The following C8orf34 variants were observed in gnomAD, a reference collection of about 807,000 sequenced individuals.
The protein encoded by C8orf34 is uncharacterized protein C8orf34.
C8orf34 carries 65 observed loss-of-function variants against 68.3 expected under a neutral mutation model. The ratio of observed to expected loss-of-function variants is 0.95; its 90% CI spans 0.78 to 1.17. The LOEUF (loss-of-function observed/expected upper bound fraction) is 1.17. C8orf34 is among the 50% of genes most tolerant of loss of function. The pLI is 0.00. For missense variants in C8orf34, 664 were observed against 655.4 expected (o/e 1.01, Z -0.14); for synonymous variants, 244 against 241.2 (o/e 1.01, Z -0.11).
At chr8:68,610,533 A>G (rs1817985189) in intron 7 of C8orf34, among the ~76,000 whole-genome samples, 1 of 152,206 alleles carries the variant, frequency 6.6e-6, no homozygotes, top group South Asian at 2.1e-4. Flanking sequence ...AACTTAGATA[A>G]TTAAAGACAG....
chr8:68,516,978 C>G (rs184908150), intron 5 of C8orf34, among the ~76,000 whole-genome samples: 4 of 151,960 alleles, frequency 2.6e-5, no homozygotes, highest in Non-Finnish European at 5.9e-5. Flanking sequence ...TGCTTAAGAA[C>G]GTCAAAACCT....
chr8:68,370,336 T>C (rs1163175869), intron 1 of C8orf34, among the ~76,000 whole-genome samples: 3 of 152,160 alleles, frequency 2.0e-5, no homozygotes, highest in African/African-American at 7.2e-5. Flanking sequence ...AGTAAATATG[T>C]CCATTTTGCC....
intron 10 of C8orf34, among the ~76,000 whole-genome samples, chr8:68,769,418 G>A (rs980750395): frequency 2.6e-4 from 39 of 150,522 alleles, no homozygotes; most frequent in African/African-American, 7.6e-4. Flanking sequence ...TTTTTAAAAG[G>A]CCATTTTGAA....
chr8:68,790,795 A>G (rs1044783736), intron 12 of C8orf34: 3 of 691,220 alleles, frequency 4.3e-6, no homozygotes, highest in Non-Finnish European at 7.9e-6. Flanking sequence ...TAACACTCAT[A>G]TTCTGGGACT....
At chr8:68,590,183 G>A (rs939057821) in intron 7 of C8orf34, among the ~76,000 whole-genome samples, 2 of 136,302 alleles carry the variant, frequency 1.5e-5, no homozygotes, top group African/African-American at 5.4e-5. Flanking sequence ...AAGACAGGAA[G>A]AAAGGAAGAG....
At position 68,646,091 on chromosome 8, in the gene C8orf34, A is replaced by G. The variant is rs545187855; in HGVS notation, c.1241+5580A>G. ...TGTCACTTAAAATTTTAGTTAATAC[A>G]TCTGTTATGCTTTTCTCTTGTTACC... is the stretch of plus-strand genomic sequence containing the variant. On this transcript the variant is annotated intron_variant, in intron 8 of 13. Transcript: ENST00000518698. 4.6e-5 allele frequency among the ~76,000 whole-genome samples: 7 copies of G among 152,160 alleles called. No individual in the cohort carries two copies. In the South Asian group the frequency reaches 1.5e-3, roughly 32 times the overall value.
At chr8:68,715,617 G>A (rs1231526321) in intron 9 of C8orf34, among the ~76,000 whole-genome samples, 1 of 151,320 alleles carries the variant, frequency 6.6e-6, no homozygotes, top group Non-Finnish European at 1.5e-5. Context: ...TGCAACAATG[G>A]CCTACTATGG....
At chr8:68,496,334 A>G (rs1813522046) in intron 5 of C8orf34, among the ~76,000 whole-genome samples, 1 of 152,316 alleles carries the variant, frequency 6.6e-6, no homozygotes, top group East Asian at 1.9e-4. Context: ...GAAAGCTCTC[A>G]TGATCTCCAT....
At chr8:68,762,292 T>C (rs1011802534) in intron 10 of C8orf34, among the ~76,000 whole-genome samples, 2 of 152,218 alleles carry the variant, frequency 1.3e-5, no homozygotes, top group African/African-American at 2.4e-5. Flanking sequence ...AACTTGACTT[T>C]ATTAAACTGA....
intron 1 of C8orf34, among the ~76,000 whole-genome samples, chr8:68,369,154 A>G (rs814463): frequency 0.66 from 100,011 of 152,116 alleles, 34,035 homozygotes; most frequent in African/African-American, 0.84. Flanking sequence ...CACATTTTAA[A>G]CAGTGCTTCC....
chr8:68,761,931 T>C (rs1430230065), intron 10 of C8orf34, among the ~76,000 whole-genome samples: 1 of 152,222 alleles, frequency 6.6e-6, no homozygotes, highest in Non-Finnish European at 1.5e-5. Flanking sequence ...TTGCAATTAA[T>C]TTCACTGGGC....
At chr8:68,779,036 G>T (rs956736790) in intron 11 of C8orf34, among the ~76,000 whole-genome samples, 1 of 151,796 alleles carries the variant, frequency 6.6e-6, no homozygotes, top group Non-Finnish European at 1.5e-5. Context: ...AATTAGGCAG[G>T]CATAGTGGCA....
chr8:68,509,292 G>C (rs751461301), intron 5 of C8orf34, among the ~76,000 whole-genome samples: 12 of 152,190 alleles, frequency 7.9e-5, no homozygotes, highest in Non-Finnish European at 1.5e-4. Flanking sequence ...CTGAAGGCAA[G>C]AGCAGACAAA....
At chr8:68,641,293 C>A (rs1015172158) in intron 8 of C8orf34, among the ~76,000 whole-genome samples, 3 of 152,150 alleles carry the variant, frequency 2.0e-5, no homozygotes, top group Non-Finnish European at 4.4e-5. Context: ...GGGAGGAAAG[C>A]GTAGGAAAAT....
chr8:68,567,251 T>C (rs985856774), intron 7 of C8orf34, among the ~76,000 whole-genome samples: 2 of 152,136 alleles, frequency 1.3e-5, no homozygotes, highest in African/African-American at 4.8e-5. Flanking sequence ...TGAATCTATC[T>C]GGTGCTGGAC....
At chr8:68,493,313 A>T (rs1813393696) in intron 5 of C8orf34, among the ~76,000 whole-genome samples, 1 of 152,142 alleles carries the variant, frequency 6.6e-6, no homozygotes, top group African/African-American at 2.4e-5. Context: ...AAAAATGGGC[A>T]AAGGATTGAG....
intron 1 of C8orf34, among the ~76,000 whole-genome samples, chr8:68,375,713 A>T (rs1471748020): frequency 1.3e-5 from 2 of 152,186 alleles, no homozygotes; most frequent in Non-Finnish European, 2.9e-5. Context: ...ACTACTTAAA[A>T]TATGTGTGTG....
At chr8:68,673,511 G>A (rs902044833) in intron 8 of C8orf34, among the ~76,000 whole-genome samples, 11 of 152,248 alleles carry the variant, frequency 7.2e-5, no homozygotes, top group Non-Finnish European at 1.0e-4. Context: ...TATTTGCTAC[G>A]AGCCTGGAGC....
intron 1 of C8orf34, among the ~76,000 whole-genome samples, chr8:68,397,412 C>A (rs1808762617): frequency 1.3e-5 from 2 of 152,092 alleles, no homozygotes; most frequent in South Asian, 4.1e-4. Context: ...CTTTAGTGAA[C>A]AATTACCTTA....
Sources: allele counts gnomAD v4.1 joint callset (sites outside exome capture counted in the v4.1 genomes callset), GRCh38; gene constraint gnomAD v4.1.1; transcripts MANE v1.5; gene names NCBI Gene and HGNC (gene_info 2026-07-23, HGNC 2026-07-21).